Variants in YWHAZ observed in about 807,000 individuals in gnomAD.
The protein encoded by YWHAZ is 14-3-3 protein zeta/delta.
For synonymous variants in YWHAZ, 87 were observed against 103.6 expected, an observed-to-expected ratio of 0.84 and a Z score of 0.97; for missense variants, 79 against 284.8, an observed-to-expected ratio of 0.28 and a Z score of 5.20.
rs1425211235 is a variant in YWHAZ at position 100,920,013 on chromosome 8, T to C, written c.*680A>G. 2 of 152,646 alleles carry C rather than the reference T, an allele frequency of 1.3e-5. No homozygotes were observed. The highest frequency in any genetic ancestry group is 2.9e-5 in the Non-Finnish European group (2 of 68,048). 9.5% of individuals were successfully genotyped at this position (152,646 alleles called of 1,614,324 possible). Reference sequence around the variant, plus strand: ...GCATCTTTACTTTTACATTTGTTCTTAGGTTGCCTAAAACATTTAAATACA... The same window carrying C: ...GCATCTTTACTTTTACATTTGTTCTCAGGTTGCCTAAAACATTTAAATACA... On this transcript the variant is annotated 3_prime_UTR_variant, in exon 6 of 6. Coordinates refer to ENST00000395958, the MANE Select transcript of YWHAZ (RefSeq NM_145690.3).
At chr8:100,937,824 CT>C (rs912470986) in intron 2 of YWHAZ, among the ~76,000 whole-genome samples, 8 of 152,088 alleles carry the variant, frequency 5.3e-5, no homozygotes, top group Non-Finnish European at 1.2e-4. Flanking sequence ...GTACAGCACC[CT>C]AATTATAGTC....
chr8:100,949,762 GT>G (rs1810572457), intron 1 of YWHAZ, among the ~76,000 whole-genome samples: 1 of 152,168 alleles, frequency 6.6e-6, no homozygotes, highest in Non-Finnish European at 1.5e-5. Flanking sequence ...GTAATTGGAT[GT>G]TACCACTCAA....
intron 1 of YWHAZ, chr8:100,951,400 GCGAGGGGGAGGGAAAGGAGGGGGCGGC>G (rs1810763215): frequency 2.0e-6 from 2 of 982,708 alleles, no homozygotes; most frequent in Non-Finnish European, 2.4e-6. Context: ...CGGAGGCTGC[GCGAGGGGGAGGGAAAGGAGGGGGCGGC>G]CGAGGGAGAG....
At chr8:100,934,500 A>T (rs1274896109) in intron 2 of YWHAZ, among the ~76,000 whole-genome samples, 1 of 152,034 alleles carries the variant, frequency 6.6e-6, no homozygotes, top group Non-Finnish European at 1.5e-5. Context: ...CAGGAGTTCG[A>T]GACCAGCCTG....
At chr8:100,930,075 A>G (rs2130177354) in intron 2 of YWHAZ, among the ~76,000 whole-genome samples, 1 of 152,334 alleles carries the variant, frequency 6.6e-6, no homozygotes, top group East Asian at 1.9e-4. Flanking sequence ...ACACCATAAT[A>G]TAAGGAAGTA....
Position 100,918,408 on chromosome 8 carries a change from T to TTATATATATATATATA in YWHAZ, c.*2269_*2284dup, listed in dbSNP as rs71572094. 1,101 of 41,480 alleles carry TTATATATATATATATA rather than the reference T, an allele frequency of 0.027. 90 individuals carry two copies. Among genetic ancestry groups the TTATATATATATATATA allele is most frequent in the Non-Finnish European group, 0.03 (626 of 20,586 alleles). The allele number at this position is 41,480 out of a possible 1,614,324, so 2.6% of individuals were successfully genotyped here. A position where few individuals can be genotyped will look rare whatever the true frequency, so the allele number is the denominator to read the frequency against. ...AGTCTAGCTATAAAATATAATTACT[T>TTATATATATATATATA]TATATATATATATATATATATATAT... On this transcript the variant is annotated 3_prime_UTR_variant, in exon 6 of 6. Coordinates refer to ENST00000395958, the MANE Select transcript of YWHAZ (RefSeq NM_145690.3).
upstream of YWHAZ, chr8:100,952,050 C>G: frequency 1.0e-6 from 1 of 989,430 alleles, no homozygotes; most frequent in Non-Finnish European, 1.2e-6. Context: ...AGGCTACAGC[C>G]GCTCCGCAGA....
At chr8:100,947,088 C>A (rs1810342868) in intron 2 of YWHAZ, among the ~76,000 whole-genome samples, 1 of 151,180 alleles carries the variant, frequency 6.6e-6, no homozygotes, top group African/African-American at 2.4e-5. Flanking sequence ...CCCGTCTCTA[C>A]TAAAAATACA....
Position 100,947,774 on chromosome 8 carries a change from A to G in YWHAZ, c.294+822T>C, listed in dbSNP as rs568249047. Among the ~76,000 whole-genome samples, 7 of 152,324 alleles carry G rather than the reference A, an allele frequency of 4.6e-5. No individual in the cohort carries two copies. In the East Asian group the frequency reaches 1.3e-3, roughly 29 times the overall value. On this transcript the variant is annotated intron_variant, in intron 2 of 5. Coordinates refer to ENST00000395958, the MANE Select transcript of YWHAZ (RefSeq NM_145690.3). ...AAATCGAGATGCTGCCCCTCTTTGT[A>G]TATCAGAGCCCTTCCATACTGGTTA...
intron 2 of YWHAZ, among the ~76,000 whole-genome samples, chr8:100,939,578 G>A (rs1206897363): frequency 6.6e-6 from 1 of 152,054 alleles, no homozygotes; most frequent in Non-Finnish European, 1.5e-5. Context: ...AGAATCGCTT[G>A]AACCCAGGAG....
intron 2 of YWHAZ, among the ~76,000 whole-genome samples, chr8:100,939,000 T>C (rs1277159184): frequency 6.6e-6 from 1 of 152,260 alleles, no homozygotes; most frequent in Non-Finnish European, 1.5e-5. Context: ...TTGTGCCTAA[T>C]CACTTAACGC....
chr8:100,951,038 G>GGCCCC, intron 1 of YWHAZ: 1 of 179,418 alleles, frequency 5.6e-6, no homozygotes, highest in Non-Finnish European at 8.7e-6. Context: ...TGCAGCCCCC[G>GGCCCC]TCCACACCTC....
rs1349015136 is a variant in YWHAZ, at chr8:100,926,149, T to TATAA, written c.295-1111_295-1110insTTAT. ...ACTCCAACTTTTTGTTTACCCATTA[T>TATAA]GTTCCAATGCTGGGTAGGTGAACAG... is the stretch of plus-strand genomic sequence containing the variant. On this transcript the variant is annotated intron_variant, in intron 2 of 5. Coordinates refer to ENST00000395958, the MANE Select transcript of YWHAZ (RefSeq NM_145690.3). Among the ~76,000 whole-genome samples, 6 of 152,258 alleles carry TATAA rather than the reference T, an allele frequency of 3.9e-5. No individual in the cohort carries two copies. In the East Asian group the frequency reaches 1.2e-3, roughly 29 times the overall value.
Position 100,928,594 on chromosome 8 carries a change from G to A in YWHAZ, c.295-3555C>T, listed in dbSNP as rs181559212. On this transcript the variant is annotated intron_variant, in intron 2 of 5. Transcript: ENST00000395958. ...CAAAAATACAAAAAATTAGCCAGGC[G>A]TGGTGGCACACGCCTGGAATCCCAG... Among the ~76,000 whole-genome samples the A allele has an allele frequency of 3.5e-3, 538 of 151,992 alleles. 6 individuals carry two copies. Among genetic ancestry groups the A allele is most frequent in the African/African-American group, 0.012 (513 of 41,470 alleles).
chr8:100,949,551 A>G (rs892444114), intron 1 of YWHAZ, among the ~76,000 whole-genome samples: 1 of 152,160 alleles, frequency 6.6e-6, no homozygotes, highest in Non-Finnish European at 1.5e-5. Flanking sequence ...ACAAAGGATC[A>G]ATATCTGACC....
intron 1 of YWHAZ, chr8:100,950,921 C>CAGGA (rs1810701772): frequency 6.0e-6 from 1 of 166,968 alleles, no homozygotes; most frequent in Non-Finnish European, 1.2e-5. Flanking sequence ...GCCCCCAAAG[C>CAGGA]AGGATATGCG....
At chr8:100,945,171 G>A (rs536429600) in intron 2 of YWHAZ, among the ~76,000 whole-genome samples, 16 of 152,198 alleles carry the variant, frequency 1.1e-4, no homozygotes, top group African/African-American at 3.9e-4. Context: ...AGAAACCCAA[G>A]TTCTTTTACA....
intron 2 of YWHAZ, among the ~76,000 whole-genome samples, chr8:100,942,462 G>A (rs950989418): frequency 1.3e-4 from 20 of 152,170 alleles, no homozygotes; most frequent in African/African-American, 4.8e-4. Flanking sequence ...ATAAAAAAGA[G>A]AGAACTGCTG....
In YWHAZ at chr8:100,918,424, ATATATATATATATATATATAAT is replaced by A. The variant is rs1812806526; in HGVS notation, c.*2247_*2268del. 1 of 88,826 alleles carries A rather than the reference ATATATATATATATATATATAAT, an allele frequency of 1.1e-5. No individual in the cohort carries two copies. The highest frequency in any genetic ancestry group is 3.9e-4 in the South Asian group (1 of 2,566). 5.5% of individuals were successfully genotyped at this position (88,826 alleles called of 1,614,324 possible). A position where few individuals can be genotyped will look rare whatever the true frequency, so the allele number is the denominator to read the frequency against. On this transcript the variant is annotated 3_prime_UTR_variant, in exon 6 of 6. Transcript: ENST00000395958. ...ATAATTACTTTATATATATATATAT[ATATATATATATATATATATAAT>A]TATTTTACCTCCTTGGCTTGGGGGT...
Sources: allele counts gnomAD v4.1 joint callset (sites outside exome capture counted in the v4.1 genomes callset), GRCh38; gene constraint gnomAD v4.1.1; transcripts MANE v1.5; gene names NCBI Gene and HGNC (gene_info 2026-07-23, HGNC 2026-07-21).